The following COLQ variants were observed in gnomAD, a reference collection of about 807,000 sequenced individuals.
COLQ encodes the protein collagen like tail subunit of asymmetric acetylcholinesterase.
Under a neutral mutation model 69.0 loss-of-function variants are expected in COLQ, and 48 were observed. That is an observed-to-expected ratio of 0.70 (90% CI 0.55 to 0.88). The LOEUF (loss-of-function observed/expected upper bound fraction) is 0.88, where lower values mean the gene tolerates loss of function less well. Among genes scored for constraint, COLQ ranks in the 40% least tolerant of loss-of-function variants. The pLI is 0.00. For missense variants in COLQ, 618 were observed against 594.6 expected (o/e 1.04, Z -0.41); for synonymous variants, 217 against 211.2 (o/e 1.03, Z -0.24).
intron 4 of COLQ, among the ~76,000 whole-genome samples, 165 bp from the exon 5 acceptor site, chr3:15,479,168 T>A (rs1319586443): frequency 1.3e-5 from 2 of 152,138 alleles, no homozygotes; most frequent in Admixed American, 6.5e-5. Flanking sequence ...AATACACCAG[T>A]GGTATCCCAT....
chr3:15,502,603 G>A (rs941004223), intron 1 of COLQ, among the ~76,000 whole-genome samples: 1 of 151,998 alleles, frequency 6.6e-6, no homozygotes, highest in Admixed American at 6.6e-5. Flanking sequence ...TAGTAGAGAC[G>A]GGGTCTCACC....
At chr3:15,476,881 T>C (rs2062388387) in intron 6 of COLQ, among the ~76,000 whole-genome samples, 1 of 152,182 alleles carries the variant, frequency 6.6e-6, no homozygotes, top group African/African-American at 2.4e-5. Context: ...CCACGGCCCC[T>C]GTAGAAGAGG....
intron 1 of COLQ, chr3:15,506,844 C>G (rs1231551113): frequency 6.6e-6 from 1 of 152,254 alleles, no homozygotes; most frequent in African/African-American, 2.4e-5. Context: ...TAGATTCAAG[C>G]GATCCTCCTG....
intron 2 of COLQ, 24 bp from the exon 3 acceptor site, chr3:15,488,331 T>A (rs370259073): frequency 6.2e-7 from 1 of 1,601,576 alleles, no homozygotes; most frequent in Admixed American, 1.7e-5. Flanking sequence ...CAACACAGAG[T>A]TAGAGGTCAG....
chr3:15,498,551 T>C, intron 1 of COLQ: 2 of 1,551,884 alleles, frequency 1.3e-6, no homozygotes, highest in South Asian at 2.4e-5. Context: ...CCTGAAATGA[T>C]GAGCAGATGA....
intron 15 of COLQ, among the ~76,000 whole-genome samples, chr3:15,455,637 C>T (rs1256191568): frequency 6.6e-6 from 1 of 152,202 alleles, no homozygotes; most frequent in Non-Finnish European, 1.5e-5. Context: ...CTGGTGGCTA[C>T]ATTTTGAGAT....
At chr3:15,455,807 C>T in intron 15 of COLQ, 92 bp downstream of exon 15, 1 of 1,565,362 alleles carries the variant, frequency 6.4e-7, no homozygotes, top group Non-Finnish European at 8.7e-7. Flanking sequence ...TAGAAAGGTC[C>T]CAAAGCACCA....
At chr3:15,500,971 C>G (rs2062821582) in intron 1 of COLQ, among the ~76,000 whole-genome samples, 1 of 152,124 alleles carries the variant, frequency 6.6e-6, no homozygotes, top group South Asian at 2.1e-4. Flanking sequence ...AGCTCTAAGC[C>G]CTTTCCAACT....
At chr3:15,520,995 T>G (rs1448358228) in intron 1 of COLQ, among the ~76,000 whole-genome samples, 1 of 152,126 alleles carries the variant, frequency 6.6e-6, no homozygotes, top group Non-Finnish European at 1.5e-5. Context: ...AGGCTGCAAC[T>G]GCCCCGCCGC....
chr3:15,511,533 G>A (rs2062984404), intron 1 of COLQ, among the ~76,000 whole-genome samples: 1 of 152,160 alleles, frequency 6.6e-6, no homozygotes, highest in South Asian at 2.1e-4. Flanking sequence ...GACAGGAAGA[G>A]TGAGGGGACA....
chr3:15,484,459 G>C (rs537568127), intron 3 of COLQ, among the ~76,000 whole-genome samples: 3 of 152,108 alleles, frequency 2.0e-5, no homozygotes, highest in Non-Finnish European at 4.4e-5. Context: ...TTGAATGTTG[G>C]CCTGCCTTGC....
intron 1 of COLQ, chr3:15,498,456 A>G: frequency 6.8e-7 from 1 of 1,467,344 alleles, no homozygotes; most frequent in South Asian, 1.2e-5. Context: ...TTTCCAAAAC[A>G]ATGCATGTGC....
At chr3:15,466,532 G>T in intron 11 of COLQ, 95 bp from the exon 12 acceptor site, 1 of 1,064,432 alleles carries the variant, frequency 9.4e-7, no homozygotes, top group East Asian at 2.4e-5. Flanking sequence ...TTGCACTTAA[G>T]GAGCAAGAGC....
Position 15,483,126 on chromosome 3 carries a change from G to A in COLQ, c.322-3744C>T, listed in dbSNP as rs184816714. ...TTTCTTCTTTATTAGTCTTGCTAGCGGTCTATTAATTTTATTGATCTTTTC... is the reference window on the plus strand; with the variant it reads ...TTTCTTCTTTATTAGTCTTGCTAGCAGTCTATTAATTTTATTGATCTTTTC... On this transcript the variant is annotated intron_variant, in intron 3 of 16. Coordinates refer to ENST00000383788, the MANE Select transcript of COLQ (RefSeq NM_005677.4). Among the ~76,000 whole-genome samples the A allele has an allele frequency of 5.2e-3, 783 of 151,948 alleles. 7 individuals carry two copies. The highest frequency in any genetic ancestry group is 0.014 in the Middle Eastern group (4 of 294).
chr3:15,478,133 C>T (rs1046367301), intron 5 of COLQ, among the ~76,000 whole-genome samples: 18 of 152,196 alleles, frequency 1.2e-4, no homozygotes, highest in African/African-American at 4.3e-4. Context: ...AATCATGGTC[C>T]TTGTTAGGCC....
At chr3:15,516,803 G>A (rs2063068905) in intron 1 of COLQ, among the ~76,000 whole-genome samples, 1 of 152,168 alleles carries the variant, frequency 6.6e-6, no homozygotes, top group Non-Finnish European at 1.5e-5. Context: ...TCAATCTTTT[G>A]CTAGAGCTTT....
intron 3 of COLQ, among the ~76,000 whole-genome samples, chr3:15,480,190 T>A (rs1301062512): frequency 6.6e-6 from 1 of 152,248 alleles, no homozygotes; most frequent in Non-Finnish European, 1.5e-5. Flanking sequence ...GATTTCTTTT[T>A]TTAAATTATA....
intron 1 of COLQ, among the ~76,000 whole-genome samples, chr3:15,501,949 G>T (rs1469410980): frequency 1.3e-5 from 2 of 152,128 alleles, no homozygotes; most frequent in Non-Finnish European, 2.9e-5. Context: ...TATTGCAATA[G>T]TCTTGGATAA....
At chr3:15,487,034 T>C (rs151288531) in intron 3 of COLQ, among the ~76,000 whole-genome samples, 10 of 152,306 alleles carry the variant, frequency 6.6e-5, no homozygotes, top group South Asian at 2.1e-4. Flanking sequence ...ACCCCTGCCA[T>C]TGAGCTTACG....
Sources: allele counts gnomAD v4.1 joint callset (sites outside exome capture counted in the v4.1 genomes callset), GRCh38; gene constraint gnomAD v4.1.1; transcripts MANE v1.5; gene names NCBI Gene and HGNC (gene_info 2026-07-23, HGNC 2026-07-21).